Variants in PTPN12 observed in about 807,000 individuals in gnomAD.
PTPN12 encodes tyrosine-protein phosphatase non-receptor type 12.
A neutral mutation model predicts 97.6 loss-of-function variants in PTPN12; 29 were observed. The observed-to-expected ratio is 0.30, with a 90% CI of 0.22 to 0.41. The LOEUF is 0.41. Ranked by LOEUF, PTPN12 falls within the 10% of genes least tolerant of loss-of-function variation. PTPN12 has a pLI of 1.00. For synonymous variants in PTPN12, 327 were observed against 300.4 expected (o/e 1.09, Z -0.91); for missense variants, 819 against 926.0 (o/e 0.88, Z 1.50).
chr7:77,623,955 T>C (rs1789038429), intron 12 of PTPN12, among the ~76,000 whole-genome samples: 1 of 152,126 alleles, frequency 6.6e-6, no homozygotes, highest in African/African-American at 2.4e-5. Flanking sequence ...ACAGCCACTC[T>C]TTCAGATTAA....
intron 8 of PTPN12, among the ~76,000 whole-genome samples, chr7:77,606,747 G>T (rs553431628): frequency 3.3e-5 from 5 of 152,296 alleles, no homozygotes; most frequent in African/African-American, 1.2e-4. Flanking sequence ...CTGCTTGCAA[G>T]ATAAATCATC....
intron 2 of PTPN12, among the ~76,000 whole-genome samples, chr7:77,579,914 GTGA>G (rs1300471187): frequency 3.9e-5 from 6 of 152,206 alleles, no homozygotes; most frequent in African/African-American, 1.4e-4. Context: ...TGGTTTGTCA[GTGA>G]TGAAAAGTTT....
chr7:77,606,017 C>T (rs1023697437), intron 8 of PTPN12, among the ~76,000 whole-genome samples: 5 of 129,904 alleles, frequency 3.8e-5, no homozygotes, highest in South Asian at 2.5e-4. Flanking sequence ...TGCAATGGCA[C>T]GATCTTGGGT....
At chr7:77,613,170 T>TTG (rs1562750037) in intron 11 of PTPN12, among the ~76,000 whole-genome samples, 1 of 48,424 alleles carries the variant, frequency 2.1e-5, no homozygotes, top group Non-Finnish European at 4.3e-5. Context: ...TTTTTGGGTT[T>TTG]TTTTTTTTTT....
intron 13 of PTPN12, among the ~76,000 whole-genome samples, chr7:77,629,924 A>AG (rs1789338470): frequency 7.1e-6 from 1 of 141,582 alleles, no homozygotes; most frequent in South Asian, 2.3e-4. Context: ...TGGGCAACAG[A>AG]GGGAGACCCT....
intron 11 of PTPN12, among the ~76,000 whole-genome samples, chr7:77,612,969 G>A (rs1788619526): frequency 6.8e-6 from 1 of 146,980 alleles, no homozygotes; most frequent in African/African-American, 2.5e-5. Flanking sequence ...ATGGGGTTTT[G>A]CATGTTGGCC....
chr7:77,637,310 T>C (rs530377662), intron 16 of PTPN12, among the ~76,000 whole-genome samples: 160 of 152,310 alleles, frequency 1.1e-3, no homozygotes, highest in African/African-American at 3.7e-3. Flanking sequence ...TTTAAAAATA[T>C]TTTTCTGTTT....
chr7:77,634,869 G>A lies in PTPN12; in HGVS notation c.2075-913G>A, dbSNP rs1013822955. Among the ~76,000 whole-genome samples, 11 of 150,660 alleles carry A rather than the reference G, an allele frequency of 7.3e-5. No homozygotes were observed. The South Asian group carries it at 1.3e-3, about 17-fold the overall frequency. On this transcript the variant is annotated intron_variant, in intron 14 of 17. Coordinates refer to ENST00000248594, the MANE Select transcript of PTPN12 (RefSeq NM_002835.4). Reference sequence around the variant, plus strand: ...TGGGATTACAGGCGGGAGCCACCACGCCCGGCCTTGTTTTGTTTTATTTCG... The same window carrying A: ...TGGGATTACAGGCGGGAGCCACCACACCCGGCCTTGTTTTGTTTTATTTCG...
chr7:77,595,277 A>C (rs1787988817), intron 6 of PTPN12, among the ~76,000 whole-genome samples: 1 of 152,208 alleles, frequency 6.6e-6, no homozygotes, highest in South Asian at 2.1e-4. Context: ...CATTGACTTA[A>C]CTGCAAAGAA....
At chr7:77,586,551 TC>T (rs1787699257) in intron 5 of PTPN12, among the ~76,000 whole-genome samples, 1 of 152,106 alleles carries the variant, frequency 6.6e-6, no homozygotes, top group South Asian at 2.1e-4. Flanking sequence ...GCTACTGTAC[TC>T]CAGCCTGGGC....
chr7:77,574,555 C>A (rs77992078), intron 2 of PTPN12, among the ~76,000 whole-genome samples: 2,299 of 152,222 alleles, frequency 0.015, 58 homozygotes, highest in African/African-American at 0.052. Flanking sequence ...TTGGTTGTCA[C>A]AACTGGGGTA....
chr7:77,571,013 T>C, intron 1 of PTPN12, 65 bp from the exon 2 acceptor site: 1 of 1,088,934 alleles, frequency 9.2e-7, no homozygotes, highest in Non-Finnish European at 1.3e-6. Flanking sequence ...GTCACCAGAT[T>C]TCATTAAAAA....
At chr7:77,622,245 A>G (rs1387377400) in intron 12 of PTPN12, among the ~76,000 whole-genome samples, 1 of 152,134 alleles carries the variant, frequency 6.6e-6, no homozygotes, top group East Asian at 1.9e-4. Context: ...GTGAGCCACC[A>G]TGTCCCACCA....
chr7:77,574,673 C>G (rs566556895), intron 2 of PTPN12, among the ~76,000 whole-genome samples: 2 of 152,122 alleles, frequency 1.3e-5, no homozygotes, highest in African/African-American at 2.4e-5. Context: ...AAAGACTTCT[C>G]GCCAAAATAT....
chr7:77,623,185 C>T (rs1161314161), intron 12 of PTPN12, among the ~76,000 whole-genome samples: 1 of 152,028 alleles, frequency 6.6e-6, no homozygotes, highest in Non-Finnish European at 1.5e-5. Context: ...AACATAAGAA[C>T]CTTGCTTAGG....
Position 77,537,531 on chromosome 7 carries a change from G to A in PTPN12, c.-16G>A, listed in dbSNP as rs199909632. The A allele has an allele frequency of 1.3e-6, 2 of 1,579,148 alleles. No individual in the cohort carries two copies. The highest frequency in any genetic ancestry group is 1.7e-6 in the Non-Finnish European group (2 of 1,164,728). On this transcript the variant is annotated 5_prime_UTR_variant, in exon 1 of 18. Coordinates refer to ENST00000248594, the MANE Select transcript of PTPN12 (RefSeq NM_002835.4). The stretch of plus-strand genomic sequence containing the variant: ...GGCGGGGGGGCCAGCGACCGCAGCC[G>A]GGGGGACGCGGGAGGATGGAGCAAG...
chr7:77,585,461 C>A (rs1676254051), intron 4 of PTPN12, 82 bp from the exon 5 acceptor site: 22 of 1,260,222 alleles, frequency 1.7e-5, no homozygotes, highest in Non-Finnish European at 2.3e-5. Context: ...GTGCAAAATT[C>A]TTGAAATCTG....
chr7:77,586,320 A>C (rs1476869811), intron 5 of PTPN12, among the ~76,000 whole-genome samples: 1 of 152,206 alleles, frequency 6.6e-6, no homozygotes, highest in Non-Finnish European at 1.5e-5. Context: ...GCCTTCAGCT[A>C]GTTGTAATCT....
intron 9 of PTPN12, among the ~76,000 whole-genome samples, chr7:77,609,895 A>C (rs954512479): frequency 1.1e-5 from 1 of 88,500 alleles, no homozygotes; most frequent in Non-Finnish European, 2.2e-5. Context: ...AAAAAACAAC[A>C]AAAAAAAAAC....
Sources: allele counts gnomAD v4.1 joint callset (sites outside exome capture counted in the v4.1 genomes callset), GRCh38; gene constraint gnomAD v4.1.1; transcripts MANE v1.5; gene names NCBI Gene and HGNC (gene_info 2026-07-23, HGNC 2026-07-21).